GPR179: variants seen among roughly 807,000 people sequenced by gnomAD.
The protein encoded by GPR179 is G protein-coupled receptor 179.
Under a neutral mutation model 70.8 loss-of-function variants are expected in GPR179, and 52 were observed. That is an observed-to-expected ratio of 0.73 (90% CI 0.59 to 0.93). The LOEUF (loss-of-function observed/expected upper bound fraction) is 0.93. Among genes scored for constraint, GPR179 ranks in the 40% least tolerant of loss-of-function variants. The pLI is 0.00. For synonymous variants in GPR179, 1,123 were observed against 1,169.0 expected (o/e 0.96, Z 0.80); for missense variants, 2,734 against 2,966.8 (o/e 0.92, Z 1.82).
In GPR179 at chr17:38,324,662, A is replaced by G. The variant is rs2037268564; in HGVS notation, c.*1803T>C. Among the ~76,000 whole-genome samples, 1 of 115,774 alleles carries G rather than the reference A, an allele frequency of 8.6e-6. No homozygotes were observed. Among genetic ancestry groups the G allele is most frequent in the Non-Finnish European group, 1.6e-5 (1 of 62,526 alleles). 76.0% of individuals were successfully genotyped at this position (115,774 alleles called of 152,430 possible). On this transcript the variant is annotated 3_prime_UTR_variant, in exon 11 of 11. Coordinates refer to ENST00000616987, the MANE Select transcript of GPR179 (RefSeq NM_001004334.4). ...GTTTGGCGGCAACTTTGCTGTTTCC[A>G]GCTAGACCAGACCCAATGGGATTGT...
chr17:38,330,391 C>G lies in GPR179; in HGVS notation c.3178G>C (p.Asp1060His), dbSNP rs757646338. Residue 1060 changes from aspartate (D) to histidine (H), a missense_variant, in exon 11 of 11, where the codon GAT (aspartate) becomes CAT (histidine). By Grantham distance (81) the Asp-to-His change is moderately conservative. Coordinates refer to ENST00000616987, the MANE Select transcript of GPR179 (RefSeq NM_001004334.4). ...EDAHHQREANDVDEDRPKIFP... is the reference protein window; with the variant it reads ...EDAHHQREANHVDEDRPKIFP... ...ATCTTGGGCCTGTCTTCGTCCACATCATTAGCTTCCCTCTGGTGATGTGCA... is the reference window on the plus strand; with the variant it reads ...ATCTTGGGCCTGTCTTCGTCCACATGATTAGCTTCCCTCTGGTGATGTGCA... 3 of 1,611,632 alleles carry G rather than the reference C, an allele frequency of 1.9e-6. No homozygotes were observed. In the East Asian group the frequency reaches 6.7e-5, roughly 36 times the overall value.
In GPR179 at chr17:38,343,124, C is replaced by G. The variant is rs533730226; in HGVS notation, c.666G>C (p.Gly222=). Residue 222 remains glycine (G), a synonymous_variant, in exon 1 of 11, where the codon GGG becomes GGC. Transcript: ENST00000616987. This position sits in a 1 kb window ranked among gnomAD's most constrained non-coding sequence, Gnocchi z 4.2. The stretch of plus-strand genomic sequence containing the variant: ...GAGACAGCCTCACCTGCTGCGTGTC[C>G]CCCACATATCCATCTGCCTGCGGCC... ...PKWPQADGYV[G]DTQQVRLSPP... is the part of the protein sequence containing the mutation. 1 of 1,614,190 alleles carries G rather than the reference C, an allele frequency of 6.2e-7. No homozygotes were observed. The highest frequency in any genetic ancestry group is 2.2e-5 in the East Asian group (1 of 44,884).
rs1411479664 is a variant in GPR179, at chr17:38,328,862, T to C, written c.4707A>G (p.Ala1569=). The C allele has an allele frequency of 1.9e-6, 3 of 1,613,772 alleles. No homozygotes were observed. In the South Asian group the frequency reaches 3.3e-5, roughly 18 times the overall value. ...GATCTTCCTGTGGACACACCTGCGT[T>C]GCTCTGCTTCCTCCATTGCATAGGA... ...SQFLCNGGSR[A]TQVCPQEDLR... Residue 1569 remains alanine, a synonymous_variant, in exon 11 of 11, where the codon GCA becomes GCG. Transcript: ENST00000616987.
In GPR179 at chr17:38,326,848, T is replaced by C; in HGVS notation, c.6721A>G (p.Ile2241Val). 3 of 1,614,210 alleles carry C rather than the reference T, an allele frequency of 1.9e-6. No individual in the cohort carries two copies. The East Asian group carries it at 6.7e-5, about 36-fold the overall frequency. The change falls in exon 11 of 11, where the codon ATC becomes GTC. Residue 2241 changes from isoleucine (I) to valine (V), a missense_variant. By Grantham distance (29) the Ile-to-Val change is conservative. Transcript: ENST00000616987. ...ACTCCAGTTTCCTCCCCAGGACAGA[T>C]GTCTGCCATGGTACCCTTTATTTTA... Reference protein sequence around the residue: ...GNKIKGTMADICPGEETGVPS... With the variant: ...GNKIKGTMADVCPGEETGVPS...
In GPR179 at chr17:38,326,682, T is replaced by G. The variant is rs1488806971; in HGVS notation, c.6887A>C (p.Lys2296Thr). 6.2e-7 allele frequency: 1 copy of G among 1,614,190 alleles called. No homozygotes were observed. The highest frequency in any genetic ancestry group is 1.1e-5 in the South Asian group (1 of 91,080). ...GAAAGTACTGGCTGGCCTGCTTACC[T>G]TGGGGCAGGGGATTTTGCTTTCTGG... ...FFPESKIPCP[K>T]VSRPASTFTL... The change falls in exon 11 of 11, where the codon AAG becomes ACG. Residue 2296 changes from lysine (K) to threonine (T), a missense_variant. Transcript: ENST00000616987.
intron 5 of GPR179, 50 bp from the exon 6 acceptor site, chr17:38,335,750 G>A: frequency 8.1e-7 from 1 of 1,241,398 alleles, no homozygotes; most frequent in Middle Eastern, 1.9e-4. Context: ...TTCTGCTGTG[G>A]GCCAGGCCTA....
chr17:38,340,456 A>T (rs978275503), intron 1 of GPR179, among the ~76,000 whole-genome samples: 6 of 152,182 alleles, frequency 3.9e-5, no homozygotes, highest in African/African-American at 1.4e-4. Context: ...TTTAAAAATT[A>T]TTTTTAGTGG....
rs1445290304 is a variant in GPR179 at position 38,330,949 on chromosome 17, T to C, written c.2620A>G (p.Lys874Glu). ...AGGCTGGCCATGGCTGCCTTGGCCT[T>C]CTTCCGCTCCTCCCGCTCCTTTGCT... ...RQAKEREERK[K>E]AKAAMASLVR... The change falls in exon 11 of 11, where the codon AAG becomes GAG. Residue 874 changes from lysine to glutamate, a missense_variant. Lys to Glu is a moderately conservative substitution (Grantham distance 56, BLOSUM62 1). Coordinates refer to ENST00000616987, the MANE Select transcript of GPR179 (RefSeq NM_001004334.4). 6 of 1,611,350 alleles carry C rather than the reference T, an allele frequency of 3.7e-6. No homozygotes were observed. The highest frequency in any genetic ancestry group is 3.3e-5 in the South Asian group (3 of 90,516).
chr17:38,342,395 G>A (rs1328250864), intron 1 of GPR179, among the ~76,000 whole-genome samples: 2 of 151,456 alleles, frequency 1.3e-5, no homozygotes, highest in Middle Eastern at 3.2e-3. Context: ...GTGCAATGGC[G>A]TGATCTCGGG....
rs117551741 is a variant in GPR179 at position 38,335,428 on chromosome 17, C to A, written c.1407-157G>T. On this transcript the variant is annotated intron_variant, in intron 6 of 10. Transcript: ENST00000616987. ...GATTTGCTGCCTTTTGCTACCCCCC[C>A]ACAAAGTAACATGGAAGACAAGGCT... Among the ~76,000 whole-genome samples, 3,716 of 152,284 alleles carry A rather than the reference C, an allele frequency of 0.024. 69 individuals carry two copies. Among genetic ancestry groups the A allele is most frequent in the Non-Finnish European group, 0.035 (2,360 of 68,020 alleles).
In GPR179 at chr17:38,331,070, C is replaced by T. The variant is rs1174388076; in HGVS notation, c.2499G>A (p.Arg833=). ...TGAGCGACTTCTGCAGAGAGGCGGG[C>T]CGGGCTCTGGGTAGCCTCTCTCCCA... ...LTVGERLPRA[R]PASLQKSLSV... The change falls in exon 11 of 11, where the codon CGG becomes CGA. Residue 833 remains arginine, a synonymous_variant. Transcript: ENST00000616987. 5 of 1,599,526 alleles carry T rather than the reference C, an allele frequency of 3.1e-6. No homozygotes were observed. Among genetic ancestry groups the T allele is most frequent in the Non-Finnish European group, 3.4e-6 (4 of 1,178,484 alleles).
In GPR179 at chr17:38,337,697, G is replaced by A. The variant is rs2037418045; in HGVS notation, c.927C>T (p.Gly309=). ...STQCVPLESQ[G]FVLGRYLCRC... ...GGCAGAGGTAGCGGCCAAGAACAAA[G>A]CCCTGACTCTCCAGGGGGACACACT... Residue 309 remains glycine (G), a synonymous_variant, in exon 3 of 11, where the codon GGC becomes GGT. Transcript: ENST00000616987. 1.2e-6 allele frequency: 2 copies of A among 1,613,804 alleles called. No individual in the cohort carries two copies. Among genetic ancestry groups the A allele is most frequent in the Non-Finnish European group, 1.7e-6 (2 of 1,179,840 alleles).
At position 38,328,218 on chromosome 17, in the gene GPR179, G is replaced by C. The variant is rs1427778659; in HGVS notation, c.5351C>G (p.Pro1784Arg). 1.9e-6 allele frequency: 3 copies of C among 1,613,462 alleles called. No individual in the cohort carries two copies. The South Asian group carries it at 3.3e-5, about 18-fold the overall frequency. The change falls in exon 11 of 11, where the codon CCA (proline) becomes CGA (arginine). Residue 1784 changes from proline to arginine, a missense_variant. Transcript: ENST00000616987. The part of the protein sequence containing the change: ...QHPGTLDADG[P>R]KAGFQELDHM... ...ATCCAGTTCCTGGAACCCAGCTTTT[G>C]GTCCATCAGCATCTAGAGTACCTGG...
At position 38,330,083 on chromosome 17, in the gene GPR179, G is replaced by A; in HGVS notation, c.3486C>T (p.Ser1162=). The change falls in exon 11 of 11, where the codon AGC becomes AGT. Residue 1162 remains serine, a synonymous_variant. Transcript: ENST00000616987. ...SLQNQQNAHT[S]RMLQVCQREG... ...CCCGTTGACAGACTTGGAGCATCCT[G>A]CTGGTGTGAGCGTTCTGTTGGTTCT... The A allele has an allele frequency of 6.2e-7, 1 of 1,613,856 alleles. No individual in the cohort carries two copies. Among genetic ancestry groups the A allele is most frequent in the South Asian group, 1.1e-5 (1 of 91,042 alleles).
rs774984395 is a variant in GPR179, at chr17:38,342,986, A to G, written c.794+10T>C. 3 of 1,584,656 alleles carry G rather than the reference A, an allele frequency of 1.9e-6. No individual in the cohort carries two copies. Among genetic ancestry groups the G allele is most frequent in the Non-Finnish European group, 2.6e-6 (3 of 1,164,534 alleles). ...CACACATGCATCAAATCCTGCACAAACCCACTTACCTGACTTCTGGGCTGA... is the reference window on the plus strand; with the variant it reads ...CACACATGCATCAAATCCTGCACAAGCCCACTTACCTGACTTCTGGGCTGA... On this transcript the variant is annotated intron_variant, in intron 1 of 10. Transcript: ENST00000616987.
chr17:38,330,511 G>A lies in GPR179; in HGVS notation c.3058C>T (p.His1020Tyr). Residue 1020 changes from histidine to tyrosine, a missense_variant, in exon 11 of 11, where the codon CAC (histidine) becomes TAC (tyrosine). His to Tyr is a moderately conservative substitution (Grantham distance 83). Coordinates refer to ENST00000616987, the MANE Select transcript of GPR179 (RefSeq NM_001004334.4). ...CTGGCTCGAGCTGGGGCAGGGGAGT[G>A]GTGGCCTCGCTCTGGCCCTGAGGGG... ...EGPSGPERGH[H>Y]SPAPARARLW... The A allele has an allele frequency of 6.4e-7, 1 of 1,554,426 alleles. No individual in the cohort carries two copies. The highest frequency in any genetic ancestry group is 1.3e-5 in the South Asian group (1 of 79,986).
Position 38,343,631 on chromosome 17 carries a change from T to G in GPR179, c.159A>C (p.Leu53=). The G allele has an allele frequency of 6.2e-7, 1 of 1,613,782 alleles. No homozygotes were observed. ...KPGSVPMQVP[L]EGAEAALAYL... is the part of the protein sequence containing the mutation. ...AAGCGAGGGCGGCCTCGGCCCCCTC[T>G]AGGGGCACCTGCATGGGTACAGATC... Residue 53 remains leucine, a synonymous_variant, in exon 1 of 11, where the codon CTA becomes CTC. Transcript: ENST00000616987. This position sits in a 1 kb window ranked among gnomAD's most constrained non-coding sequence, Gnocchi z 4.2.
intron 1 of GPR179, among the ~76,000 whole-genome samples, chr17:38,340,930 C>T (rs572576382): frequency 1.1e-4 from 15 of 142,630 alleles, no homozygotes; most frequent in Middle Eastern, 7.0e-3. Flanking sequence ...AACAAACACA[C>T]AAACAAACAA....
rs772502789 is a variant in GPR179 at position 38,330,203 on chromosome 17, A to T, written c.3366T>A (p.Ser1122Arg). 1 of 1,566,306 alleles carries T rather than the reference A, an allele frequency of 6.4e-7. No homozygotes were observed. Among genetic ancestry groups the T allele is most frequent in the Non-Finnish European group, 8.7e-7 (1 of 1,155,542 alleles). Reference protein sequence around the residue: ...EGQNSGTAGESMGAPSRSPRL... With the variant: ...EGQNSGTAGERMGAPSRSPRL... ...TGGGCGATCGGGAGGGTGCCCCCAT[A>T]CTCTCTCCCGCAGTCCCGCTGTTCT... Residue 1122 changes from serine to arginine, a missense_variant, in exon 11 of 11, where the codon AGT becomes AGA. By Grantham distance (110) the Ser-to-Arg change is moderately radical. Transcript: ENST00000616987.
Sources: gnomAD v4.1 joint callset for allele counts (sites outside exome capture counted in the v4.1 genomes callset) on GRCh38, gnomAD v4.1.1 for gene constraint, Gnocchi (gnomAD v3.1) non-coding constraint, MANE v1.5 for transcripts, NCBI Gene and HGNC (gene_info 2026-07-23, HGNC 2026-07-21) for gene names.